COG1: variants seen among roughly 807,000 people sequenced by gnomAD.
The protein encoded by COG1 is component of oligomeric golgi complex 1.
COG1 carries 61 observed loss-of-function variants against 102.2 expected under a neutral mutation model. The observed-to-expected ratio is 0.60, with a 90% confidence interval of 0.49 to 0.74. COG1 has a LOEUF of 0.74. Ranked by LOEUF, COG1 falls within the 30% of genes least tolerant of loss-of-function variation. The pLI, the probability that COG1 is intolerant of heterozygous loss-of-function variation, is 0.00. For synonymous variants in COG1, 454 were observed against 493.6 expected, an observed-to-expected ratio of 0.92 and a Z score of 1.06; for missense variants, 1,164 against 1,232.1, an observed-to-expected ratio of 0.94 and a Z score of 0.83.
Position 73,206,737 on chromosome 17 carries a change from G to GA in COG1, c.2651dup (p.Asn884LysfsTer17). On this transcript the variant is annotated frameshift_variant, in exon 12 of 14. Coordinates refer to ENST00000299886, the MANE Select transcript of COG1 (RefSeq NM_018714.3). LOFTEE classifies it high-confidence loss of function. ...TGTTTGGATTGGTGACTGGTACAGA[G>GA]AATCAGCTCGCCCCCCGGAGCAGTA... 1 of 1,612,254 alleles carries GA rather than the reference G, an allele frequency of 6.2e-7. No homozygotes were observed. Among genetic ancestry groups the GA allele is most frequent in the Non-Finnish European group, 8.5e-7 (1 of 1,179,770 alleles).
Position 73,203,683 on chromosome 17 carries a change from C to T in COG1, c.2272C>T (p.Arg758Trp), listed in dbSNP as rs146952271. Reference protein sequence around the residue: ...FLFSLCQEINRVGGHALPKVT... With the variant: ...FLFSLCQEINWVGGHALPKVT... ...GTTTAGTTTATGCCAGGAAATTAAT[C>T]GGGTTGGAGGCCATGCCTTGCCAAA... Residue 758 changes from arginine to tryptophan, a missense_variant, in exon 9 of 14, where the codon CGG becomes TGG. Physicochemically the swap from Arg to Trp is moderately radical, Grantham distance 101. Transcript: ENST00000299886. The T allele has an allele frequency of 3.7e-6, 6 of 1,614,178 alleles. No homozygotes were observed. Among genetic ancestry groups the T allele is most frequent in the Admixed American group, 1.7e-5 (1 of 60,016 alleles).
chr17:73,204,449 CAG>C (rs1311743204), intron 9 of COG1, among the ~76,000 whole-genome samples: 1 of 152,160 alleles, frequency 6.6e-6, no homozygotes, highest in Non-Finnish European at 1.5e-5. Flanking sequence ...GTGTGACACA[CAG>C]AGGTGCTTAC....
chr17:73,193,167 T>A lies in COG1; in HGVS notation c.98T>A (p.Leu33Gln). 1 of 1,608,274 alleles carries A rather than the reference T, an allele frequency of 6.2e-7. No individual in the cohort carries two copies. The highest frequency in any genetic ancestry group is 2.2e-5 in the East Asian group (1 of 44,634). ...ETHGAEEIRG[L>Q]ERQVRAEIEH... ...CATGGAGCGGAGGAGATCCGCGGGC[T>A]GGAGCGCCAGGTTCGGGCCGAGATC... Residue 33 changes from leucine (L) to glutamine (Q), a missense_variant, in exon 1 of 14, where the codon CTG becomes CAG. Physicochemically the swap from Leu to Gln is moderately radical, Grantham distance 113. Coordinates refer to ENST00000299886, the MANE Select transcript of COG1 (RefSeq NM_018714.3).
chr17:73,201,743 C>CA lies in COG1; in HGVS notation c.1917dup (p.Glu640ArgfsTer8). The CA allele has an allele frequency of 6.2e-7, 1 of 1,614,094 alleles. No individual in the cohort carries two copies. Among genetic ancestry groups the CA allele is most frequent in the Non-Finnish European group, 8.5e-7 (1 of 1,180,020 alleles). On this transcript the variant is annotated frameshift_variant, in exon 7 of 14. Transcript: ENST00000299886. LOFTEE classifies it high-confidence loss of function. ...TGCATCCTGGGAAAATCAGAGAGCTCAGAGAAACCAGCAAGGGAGTTTAGG... is the reference window on the plus strand; with the variant it reads ...TGCATCCTGGGAAAATCAGAGAGCTCAAGAGAAACCAGCAAGGGAGTTTAGG...
chr17:73,194,597 G>A (rs1488553005), intron 1 of COG1, among the ~76,000 whole-genome samples: 3 of 151,950 alleles, frequency 2.0e-5, no homozygotes, highest in Non-Finnish European at 4.4e-5. Context: ...CCGCGTAGCT[G>A]GGATTACAGG....
intron 1 of COG1, 41 bp downstream of exon 1, chr17:73,193,425 C>T (rs1361444222): frequency 2.2e-6 from 3 of 1,385,572 alleles, no homozygotes; most frequent in Non-Finnish European, 2.8e-6. Flanking sequence ...GCAGGCGGGT[C>T]CCGGAGCCCC....
intron 5 of COG1, among the ~76,000 whole-genome samples, chr17:73,200,292 C>T (rs1182538169): frequency 1.3e-5 from 2 of 152,204 alleles, no homozygotes; most frequent in Admixed American, 1.3e-4. Context: ...CCTGTTTTTA[C>T]TTAATGCATT....
Position 73,208,499 on chromosome 17 carries a change from TC to T in COG1, c.*49del. ...CCTAAATAAATACTACCACATTATT[TC>T]TTCTAAAGGTGCCTCTGCTCATCTG... is the stretch of plus-strand genomic sequence containing the variant. On this transcript the variant is annotated 3_prime_UTR_variant, in exon 14 of 14. Coordinates refer to ENST00000299886, the MANE Select transcript of COG1 (RefSeq NM_018714.3). 6.3e-7 allele frequency: 1 copy of T among 1,599,750 alleles called. No homozygotes were observed. The highest frequency in any genetic ancestry group is 8.6e-7 in the Non-Finnish European group (1 of 1,169,238).
chr17:73,207,542 T>C (rs2061384044), intron 13 of COG1: 1 of 622,290 alleles, frequency 1.6e-6, no homozygotes, highest in African/African-American at 1.8e-5. Context: ...GGTGAAAGAG[T>C]TAACTGCCAA....
intron 2 of COG1, 29 bp downstream of exon 2, chr17:73,196,780 C>G (rs377493009): frequency 3.8e-5 from 61 of 1,613,968 alleles, no homozygotes; most frequent in Admixed American, 6.7e-5. Context: ...AAGAGCTGCT[C>G]TGGTGGTGGC....
intron 1 of COG1, among the ~76,000 whole-genome samples, chr17:73,195,335 T>C (rs946384792): frequency 3.9e-5 from 6 of 152,160 alleles, no homozygotes; most frequent in East Asian, 1.9e-4. Context: ...AAATTTAGAA[T>C]AACAGGTCAG....
At chr17:73,193,466 G>A (rs1599321078) in intron 1 of COG1, 82 bp downstream of exon 1, 1 of 1,344,808 alleles carries the variant, frequency 7.4e-7, no homozygotes, top group South Asian at 1.7e-5. Flanking sequence ...GCCCCCCTCT[G>A]TCAGTCCCAG....
chr17:73,208,211 G>T lies in COG1; in HGVS notation c.2806-103G>T, dbSNP rs116132000. 5.2e-4 allele frequency: 832 copies of T among 1,596,258 alleles called. 11 individuals are homozygous for T. The African/African-American group carries it at 0.01, about 20-fold the overall frequency. The stretch of plus-strand genomic sequence containing the variant: ...TAGAGCCATCGTGCTTCTCAGCTCC[G>T]CTTGTGTGTGCCGTGTGGACTCCGA... On this transcript the variant is annotated intron_variant, in intron 13 of 13. Coordinates refer to ENST00000299886, the MANE Select transcript of COG1 (RefSeq NM_018714.3).
intron 11 of COG1, 69 bp from the exon 12 acceptor site, chr17:73,206,638 CT>C (rs75205063): frequency 0.21 from 164,361 of 773,314 alleles, 15 homozygotes; most frequent in East Asian, 0.24. Context: ...GGTGACTAAC[CT>C]TTTTTTTTTT....
At chr17:73,198,230 G>C (rs546730847) in intron 4 of COG1, among the ~76,000 whole-genome samples, 2 of 152,266 alleles carry the variant, frequency 1.3e-5, no homozygotes, top group South Asian at 4.1e-4. Context: ...TTTGGTGACA[G>C]ATTGGCTGTA....
intron 5 of COG1, among the ~76,000 whole-genome samples, 165 bp from the exon 6 acceptor site, chr17:73,200,401 C>T (rs1473325684): frequency 6.6e-6 from 1 of 152,120 alleles, no homozygotes; most frequent in African/African-American, 2.4e-5. Context: ...CCCAACCCAG[C>T]CAAAACGCTC....
rs3751923 is a variant in COG1 at position 73,207,389 on chromosome 17, G to A, written c.2805+133G>A. The A allele has an allele frequency of 5.1e-5, 45 of 877,166 alleles. No homozygotes were observed. The East Asian group carries it at 8.5e-4, about 17-fold the overall frequency. 54.3% of individuals were successfully genotyped at this position (877,166 alleles called of 1,614,324 possible). A position where few individuals can be genotyped will look rare whatever the true frequency, so the allele number is the denominator to read the frequency against. ...ATGCACTAATGCTGCTTTTAATGGC[G>A]GCGCAATAGAGAAGTACAAGGTTTT... is the stretch of plus-strand genomic sequence containing the variant. On this transcript the variant is annotated intron_variant, in intron 13 of 13. Transcript: ENST00000299886.
In COG1 at chr17:73,208,332, T is replaced by C. The variant is rs1251583010; in HGVS notation, c.2824T>C (p.Ser942Pro). The change falls in exon 14 of 14, where the codon TCC becomes CCC. Residue 942 changes from serine to proline, a missense_variant. Coordinates refer to ENST00000299886, the MANE Select transcript of COG1 (RefSeq NM_018714.3). ...TKAQVVPPARSTAGDPTVPGS... is the reference protein window; with the variant it reads ...TKAQVVPPARPTAGDPTVPGS... ...ATGGCAGGTTGTCCCCCCGGCACGC[T>C]CCACAGCTGGTGACCCGACAGTTCC... is the stretch of plus-strand genomic sequence containing the variant. 6.2e-7 allele frequency: 1 copy of C among 1,613,860 alleles called. No individual in the cohort carries two copies. The highest frequency in any genetic ancestry group is 8.5e-7 in the Non-Finnish European group (1 of 1,180,016).
At chr17:73,205,937 T>C in intron 10 of COG1, 3 of 663,618 alleles carry the variant, frequency 4.5e-6, no homozygotes, top group East Asian at 2.7e-5. Context: ...TTTGAGCCCT[T>C]AGTGCCCTCC....
Sources: allele counts gnomAD v4.1 joint callset (sites outside exome capture counted in the v4.1 genomes callset), GRCh38; gene constraint gnomAD v4.1.1; transcripts MANE v1.5; gene names NCBI Gene and HGNC (gene_info 2026-07-23, HGNC 2026-07-21).